The following GPR155 variants were observed in gnomAD, a reference collection of about 807,000 sequenced individuals.
GPR155 encodes lysosomal cholesterol signaling protein.
Under a neutral mutation model 93.1 loss-of-function variants are expected in GPR155, and 65 were observed. That is an observed-to-expected ratio of 0.70 (90% CI 0.57 to 0.86). GPR155 has a LOEUF of 0.86. GPR155 is among the 40% of genes least tolerant of loss of function. GPR155 has a pLI of 0.00. For synonymous variants in GPR155, 319 were observed against 360.1 expected (o/e 0.89, Z 1.29); for missense variants, 838 against 1,034.8 (o/e 0.81, Z 2.61).
At chr2:174,444,431 A>T (rs1687055452) in intron 13 of GPR155, among the ~76,000 whole-genome samples, 1 of 147,558 alleles carries the variant, frequency 6.8e-6, no homozygotes. Flanking sequence ...AAAAAAAAAA[A>T]TTTAAGGAGC....
chr2:174,438,004 A>ACTT (rs1686840209), intron 15 of GPR155, among the ~76,000 whole-genome samples: 1 of 151,556 alleles, frequency 6.6e-6, no homozygotes, highest in African/African-American at 2.4e-5. Context: ...TAATCCCAGC[A>ACTT]CTTTTTTTGG....
intron 15 of GPR155, 116 bp from the exon 16 acceptor site, chr2:174,436,532 A>T (rs945873982): frequency 1.0e-6 from 1 of 981,954 alleles, no homozygotes; most frequent in Admixed American, 2.4e-5. Flanking sequence ...TGGTAGTTAC[A>T]AGCATAGCAG....
intron 10 of GPR155, among the ~76,000 whole-genome samples, chr2:174,454,261 C>T (rs926481277): frequency 3.2e-4 from 48 of 152,234 alleles, no homozygotes; most frequent in African/African-American, 1.1e-3. Context: ...CCTCAGCTTC[C>T]GAGTAGCTGG....
chr2:174,475,497 A>AT (rs34117584), intron 2 of GPR155, among the ~76,000 whole-genome samples: 25,813 of 150,694 alleles, frequency 0.17, 2,469 homozygotes, highest in South Asian at 0.28. Context: ...GCTAAAACCT[A>AT]TTTTTTTTTA....
At chr2:174,464,415 T>C in intron 7 of GPR155, among the ~76,000 whole-genome samples, 1 of 152,038 alleles carries the variant, frequency 6.6e-6, no homozygotes, top group East Asian at 1.9e-4. Context: ...TGGCAAAAAT[T>C]GTGAGGATGG....
intron 9 of GPR155, among the ~76,000 whole-genome samples, chr2:174,461,058 A>G (rs1687678004): frequency 6.8e-6 from 1 of 146,028 alleles, no homozygotes; most frequent in South Asian, 2.3e-4. Flanking sequence ...ATTTATATTT[A>G]TGATAGGATT....
intron 13 of GPR155, among the ~76,000 whole-genome samples, chr2:174,444,045 C>T (rs1425872576): frequency 1.3e-5 from 2 of 152,118 alleles, no homozygotes; most frequent in African/African-American, 2.4e-5. Context: ...TATTTATATA[C>T]CACATGATTT....
rs530224652 is a variant in GPR155 at position 174,433,226 on chromosome 2, A to G, written c.*2890T>C. On this transcript the variant is annotated 3_prime_UTR_variant, in exon 16 of 16. Coordinates refer to ENST00000392552, the MANE Select transcript of GPR155 (RefSeq NM_152529.7). ...TAAGTTAAACTAGCACTGACATCTA[A>G]TAATTAAGATGCTCAAAGGTCATCT... 7.9e-5 allele frequency: 12 copies of G among 152,336 alleles called. No homozygotes were observed. The East Asian group carries it at 2.3e-3, about 29-fold the overall frequency. The allele number at this position is 152,336 out of a possible 1,614,324, so 9.4% of individuals were successfully genotyped here.
At chr2:174,471,729 A>G (rs945436180) in intron 3 of GPR155, among the ~76,000 whole-genome samples, 2 of 152,172 alleles carry the variant, frequency 1.3e-5, no homozygotes, top group African/African-American at 2.4e-5. Flanking sequence ...TACTTTTTAA[A>G]TTAAAAAACT....
rs762045711 is a variant in GPR155 at position 174,473,255 on chromosome 2, G to A, written c.570C>T (p.Ile190=). Residue 190 remains isoleucine, a synonymous_variant, in exon 3 of 16, where the codon ATC becomes ATT. Transcript: ENST00000392552. ...LNPIGFIFCE[I]QKWKDTQNAS... ...CATTTTGAGTGTCTTTCCACTTTTG[G>A]ATTTCACAGAAAATAAACCCTATAG... 19 of 1,613,366 alleles carry A rather than the reference G, an allele frequency of 1.2e-5. No homozygotes were observed. Among genetic ancestry groups the A allele is most frequent in the Middle Eastern group, 1.7e-4 (1 of 6,060 alleles).
intron 12 of GPR155, 56 bp downstream of exon 12, chr2:174,446,554 AC>A: frequency 6.4e-7 from 1 of 1,564,386 alleles, no homozygotes. Flanking sequence ...CCTGAATAAA[AC>A]CTTTGCCAAA....
intron 10 of GPR155, among the ~76,000 whole-genome samples, chr2:174,456,478 A>G (rs1241803585): frequency 6.6e-6 from 1 of 150,944 alleles, no homozygotes; most frequent in Non-Finnish European, 1.5e-5. Context: ...CTAATTTTTT[A>G]TTTTTTGTAG....
chr2:174,481,750 C>T lies in GPR155; in HGVS notation c.207G>A (p.Gln69=). 1.2e-6 allele frequency: 2 copies of T among 1,614,174 alleles called. No individual in the cohort carries two copies. Among genetic ancestry groups the T allele is most frequent in the Non-Finnish European group, 8.5e-7 (1 of 1,180,014 alleles). ...AGRANVITST[Q]AKGLGNFVSR... ...AGACAAAATTTCCTAGTCCTTTGGC[C>T]TGGGTTGATGTTATGACATTGGCCC... Residue 69 remains glutamine (Q), a synonymous_variant, in exon 2 of 16, where the codon CAG becomes CAA. Coordinates refer to ENST00000392552, the MANE Select transcript of GPR155 (RefSeq NM_152529.7).
At chr2:174,474,717 G>C (rs1340311321) in intron 2 of GPR155, among the ~76,000 whole-genome samples, 1 of 152,114 alleles carries the variant, frequency 6.6e-6, no homozygotes, top group Admixed American at 6.5e-5. Context: ...CACTGCATAA[G>C]ATGTGTTTTT....
At chr2:174,472,865 A>T in intron 3 of GPR155, 100 bp downstream of exon 3, 2 of 872,814 alleles carry the variant, frequency 2.3e-6, no homozygotes, top group Non-Finnish European at 3.6e-6. Flanking sequence ...AGGGGTTATT[A>T]ATATTCAAAG....
intron 11 of GPR155, among the ~76,000 whole-genome samples, chr2:174,447,103 G>A (rs181351895): frequency 9.8e-4 from 149 of 151,794 alleles, no homozygotes; most frequent in African/African-American, 3.3e-3. Context: ...TTGGGATGCC[G>A]AGGCAGGCAG....
intron 2 of GPR155, among the ~76,000 whole-genome samples, chr2:174,474,067 T>G (rs1440970943): frequency 6.6e-6 from 1 of 152,058 alleles, no homozygotes; most frequent in Non-Finnish European, 1.5e-5. Context: ...GTCAAGGAAA[T>G]GACAGGGCAG....
rs1041056993 is a variant in GPR155 at position 174,434,801 on chromosome 2, T to C, written c.*1315A>G. On this transcript the variant is annotated 3_prime_UTR_variant, in exon 16 of 16. Transcript: ENST00000392552. ...TTTTTCTTTTTCTTTTTCTTTTTTTTTTTTTTTAGTACAGACCGGGTTTCA... is the reference window on the plus strand; with the variant it reads ...TTTTTCTTTTTCTTTTTCTTTTTTTCTTTTTTTAGTACAGACCGGGTTTCA... The C allele has an allele frequency of 2.0e-5, 3 of 151,182 alleles. No homozygotes were observed. Among genetic ancestry groups the C allele is most frequent in the African/African-American group, 7.3e-5 (3 of 41,244 alleles). The allele number at this position is 151,182 out of a possible 1,614,324, so 9.4% of individuals were successfully genotyped here. A position where few individuals can be genotyped will look rare whatever the true frequency, so the allele number is the denominator to read the frequency against.
chr2:174,460,464 C>T (rs1158662731), intron 9 of GPR155, among the ~76,000 whole-genome samples: 3 of 151,964 alleles, frequency 2.0e-5, no homozygotes, highest in Admixed American at 6.6e-5. Context: ...ACCCAGCCAT[C>T]TTAGGGCACG....
Sources: allele counts gnomAD v4.1 joint callset (sites outside exome capture counted in the v4.1 genomes callset), GRCh38; gene constraint gnomAD v4.1.1; transcripts MANE v1.5; gene names NCBI Gene and HGNC (gene_info 2026-07-23, HGNC 2026-07-21).